The following ASAP2 variants were observed in gnomAD, a reference collection of about 807,000 sequenced individuals.
The protein encoded by ASAP2 is ArfGAP with SH3 domain, ankyrin repeat and PH domain 2.
ASAP2 carries 45 observed loss-of-function variants against 131.4 expected under a neutral mutation model. That is an observed-to-expected ratio of 0.34 (90% CI 0.27 to 0.44). The LOEUF (loss-of-function observed/expected upper bound fraction) is 0.44, where lower values mean the gene tolerates loss of function less well. Among genes scored for constraint, ASAP2 ranks in the 20% least tolerant of loss-of-function variants. ASAP2 has a pLI of 1.00. For missense variants in ASAP2, 1,011 were observed against 1,297.0 expected, an observed-to-expected ratio of 0.78 and a Z score of 3.39; for synonymous variants, 510 against 503.0, an observed-to-expected ratio of 1.01 and a Z score of -0.19.
intron 1 of ASAP2, among the ~76,000 whole-genome samples, chr2:9,252,622 A>G (rs926295128): frequency 1.3e-5 from 2 of 150,850 alleles, no homozygotes; most frequent in Non-Finnish European, 3.0e-5. Context: ...CAGTTAAAGA[A>G]TTTAGGAACA....
intron 2 of ASAP2, among the ~76,000 whole-genome samples, chr2:9,290,853 A>G (rs949654469): frequency 1.3e-5 from 2 of 152,334 alleles, no homozygotes; most frequent in Admixed American, 1.3e-4. Flanking sequence ...GGAGAATAAA[A>G]TAACATCTAG....
intron 5 of ASAP2, among the ~76,000 whole-genome samples, chr2:9,322,055 T>C (rs899008914): frequency 5.9e-5 from 9 of 152,052 alleles, no homozygotes; most frequent in African/African-American, 2.2e-4. Context: ...TGTGAAGGAG[T>C]GTCAGCGACA....
chr2:9,227,258 A>G (rs1662841805), intron 1 of ASAP2, among the ~76,000 whole-genome samples: 1 of 152,134 alleles, frequency 6.6e-6, no homozygotes, highest in South Asian at 2.1e-4. Context: ...TCCTAAGGGC[A>G]TGTGCTCTGT....
chr2:9,220,715 A>C (rs2147977965), intron 1 of ASAP2, among the ~76,000 whole-genome samples: 1 of 152,346 alleles, frequency 6.6e-6, no homozygotes, highest in South Asian at 2.1e-4. Context: ...TGACATCCAG[A>C]ATAGTCATTT....
chr2:9,271,336 G>A (rs908334511), intron 1 of ASAP2: 49 of 1,067,434 alleles, frequency 4.6e-5, no homozygotes, highest in African/African-American at 1.6e-4. Flanking sequence ...CAAGCTCTAC[G>A]AGGAACTGGC....
At chr2:9,329,812 C>T (rs1462882858) in intron 7 of ASAP2, among the ~76,000 whole-genome samples, 4 of 152,216 alleles carry the variant, frequency 2.6e-5, no homozygotes, top group Admixed American at 6.5e-5. Context: ...TGTTTCTTTT[C>T]CTAGAAGGCC....
intron 1 of ASAP2, among the ~76,000 whole-genome samples, chr2:9,255,490 A>T (rs1665091334): frequency 1.3e-5 from 2 of 152,244 alleles, no homozygotes; most frequent in Non-Finnish European, 2.9e-5. Flanking sequence ...ATGGCCTCAT[A>T]TTGCCTTGTT....
At position 9,253,207 on chromosome 2, in the gene ASAP2, AG is replaced by A. The variant is rs544318166; in HGVS notation, c.127-26108del. On this transcript the variant is annotated intron_variant, in intron 1 of 27. Transcript: ENST00000281419. ...TTAAACAGTTTCACTCTTGTCACCC[AG>A]GCTGGAGTGCAATGGCGCGATATTG... 2.3e-3 allele frequency among the ~76,000 whole-genome samples: 345 copies of A among 152,246 alleles called. 1 individual carries two copies. The highest frequency in any genetic ancestry group is 3.6e-3 in the Non-Finnish European group (248 of 68,010).
At position 9,275,797 on chromosome 2, in the gene ASAP2, A is replaced by C. The variant is rs147130151; in HGVS notation, c.127-3520A>C. Among the ~76,000 whole-genome samples the C allele has an allele frequency of 4.8e-3, 726 of 152,308 alleles. 9 individuals are homozygous for C. The highest frequency in any genetic ancestry group is 0.016 in the African/African-American group (682 of 41,574). On this transcript the variant is annotated intron_variant, in intron 1 of 27. Coordinates refer to ENST00000281419, the MANE Select transcript of ASAP2 (RefSeq NM_003887.3). ...TCTGGTAGGCACTGGGGATACAATG[A>C]ACAAATATCAGTGACTGACCTTAGA... is the stretch of plus-strand genomic sequence containing the variant.
chr2:9,341,525 G>T (rs115328114), intron 9 of ASAP2, among the ~76,000 whole-genome samples: 19 of 152,092 alleles, frequency 1.2e-4, no homozygotes, highest in African/African-American at 4.3e-4. Context: ...CCTGAAAATC[G>T]CTCTGATTAA....
intron 1 of ASAP2, among the ~76,000 whole-genome samples, chr2:9,256,610 A>G (rs1025896284): frequency 1.3e-5 from 2 of 152,188 alleles, no homozygotes; most frequent in Non-Finnish European, 2.9e-5. Context: ...TTCTATTTAC[A>G]TGTGCAAATC....
chr2:9,307,304 C>T (rs1669008431), intron 3 of ASAP2, among the ~76,000 whole-genome samples: 1 of 152,088 alleles, frequency 6.6e-6, no homozygotes. Flanking sequence ...GAACCACTGC[C>T]CCAAGGACAG....
At chr2:9,307,510 T>G (rs2148446763) in intron 3 of ASAP2, among the ~76,000 whole-genome samples, 1 of 152,370 alleles carries the variant, frequency 6.6e-6, no homozygotes, top group East Asian at 1.9e-4. Context: ...TTTGGGTGCC[T>G]GAGTCCTGGG....
At chr2:9,209,135 A>C (rs1661354495) in intron 1 of ASAP2, among the ~76,000 whole-genome samples, 1 of 152,212 alleles carries the variant, frequency 6.6e-6, no homozygotes, top group Non-Finnish European at 1.5e-5. Context: ...ATTAAATTGC[A>C]AGCTTGCTTC....
At chr2:9,261,233 C>T (rs767869162) in intron 1 of ASAP2, among the ~76,000 whole-genome samples, 13 of 152,154 alleles carry the variant, frequency 8.5e-5, no homozygotes, top group African/African-American at 1.7e-4. Context: ...AGAAAGCCAG[C>T]GCTTCTGGCT....
chr2:9,296,314 T>C (rs1668146720), intron 2 of ASAP2, among the ~76,000 whole-genome samples: 1 of 152,244 alleles, frequency 6.6e-6, no homozygotes, highest in Admixed American at 6.5e-5. Flanking sequence ...TTTACCAGAA[T>C]CACCTGTGTC....
rs557969541 is a variant in ASAP2, at chr2:9,293,996, A to ATT, written c.200-3286_200-3285dup. On this transcript the variant is annotated intron_variant, in intron 2 of 27. Transcript: ENST00000281419. ...GTTTAGAAGATGTATAAGGACAAGA[A>ATT]TTTTTTTTTTTTTTTTTTTGAGAAT... Among the ~76,000 whole-genome samples, 180 of 139,570 alleles carry ATT rather than the reference A, an allele frequency of 1.3e-3. 1 individual carries two copies. Among genetic ancestry groups the ATT allele is most frequent in the African/African-American group, 4.2e-3 (159 of 37,682 alleles). 91.6% of individuals were successfully genotyped at this position (139,570 alleles called of 152,430 possible).
chr2:9,370,108 G>T (rs1673827398), intron 16 of ASAP2, among the ~76,000 whole-genome samples: 1 of 152,202 alleles, frequency 6.6e-6, no homozygotes, highest in Admixed American at 6.5e-5. Flanking sequence ...AAAGTGCTGG[G>T]ATTACAGACA....
At chr2:9,210,755 C>T (rs947216453) in intron 1 of ASAP2, among the ~76,000 whole-genome samples, 5 of 151,984 alleles carry the variant, frequency 3.3e-5, no homozygotes, top group Non-Finnish European at 5.9e-5. Flanking sequence ...GGGGTTTCAC[C>T]GTGTTAGCCA....
Sources: allele counts gnomAD v4.1 joint callset (sites outside exome capture counted in the v4.1 genomes callset), GRCh38; gene constraint gnomAD v4.1.1; transcripts MANE v1.5; gene names NCBI Gene and HGNC (gene_info 2026-07-23, HGNC 2026-07-21).